The following COX16 variants were observed in gnomAD, a reference collection of about 807,000 sequenced individuals.
COX16 encodes the protein cytochrome c oxidase assembly factor COX16.
In COX16, 12 loss-of-function variants were observed where a neutral mutation model predicts 15.4. The observed-to-expected ratio is 0.78, with a 90% CI of 0.50 to 1.26. The LOEUF (loss-of-function observed/expected upper bound fraction) is 1.26, where lower values mean the gene tolerates loss of function less well. Ranked by LOEUF, COX16 falls within the 50% of genes most tolerant of loss-of-function variation. The probability of loss-of-function intolerance (pLI) is 0.00; values close to 1 mark genes in which losing one functional copy is unlikely to be tolerated. For missense variants in COX16, 124 were observed against 127.6 expected, an observed-to-expected ratio of 0.97 and a Z score of 0.14; for synonymous variants, 46 against 41.1, an observed-to-expected ratio of 1.12 and a Z score of -0.46.
At chr14:70,337,632 CTA>C (rs1233339994) in intron 2 of COX16, among the ~76,000 whole-genome samples, 1 of 151,882 alleles carries the variant, frequency 6.6e-6, no homozygotes, top group Non-Finnish European at 1.5e-5. Flanking sequence ...TAAAGCAGAT[CTA>C]TAGTGATCCT....
chr14:70,330,518 GAAAAT>G (rs1279680131), intron 2 of COX16, among the ~76,000 whole-genome samples: 2 of 152,010 alleles, frequency 1.3e-5, no homozygotes, highest in African/African-American at 4.8e-5. Context: ...AATTTCACAA[GAAAAT>G]AAAAATAACA....
chr14:70,336,161 C>T (rs953387918), intron 2 of COX16, among the ~76,000 whole-genome samples: 1 of 152,154 alleles, frequency 6.6e-6, no homozygotes, highest in Non-Finnish European at 1.5e-5. Flanking sequence ...GAGGCTGAGG[C>T]AGGAGAATCG....
intron 2 of COX16, among the ~76,000 whole-genome samples, chr14:70,339,226 T>G (rs1380033250): frequency 6.6e-6 from 1 of 152,202 alleles, no homozygotes; most frequent in Non-Finnish European, 1.5e-5. Flanking sequence ...TTATTGTGGA[T>G]CCTTGGTGGT....
chr14:70,350,094 A>T (rs1372946557), intron 1 of COX16, among the ~76,000 whole-genome samples: 1 of 152,218 alleles, frequency 6.6e-6, no homozygotes, highest in East Asian at 1.9e-4. Context: ...ATAGACAGGA[A>T]TGTAAGATTC....
chr14:70,329,277 T>TTTG (rs1487134430), intron 2 of COX16, 41 bp from the exon 3 acceptor site: 1 of 1,557,396 alleles, frequency 6.4e-7, no homozygotes, highest in African/African-American at 1.4e-5. Flanking sequence ...TCTAAGTCTG[T>TTTG]TTGTTAGACT....
chr14:70,337,529 A>G (rs905515398), intron 2 of COX16, among the ~76,000 whole-genome samples: 3 of 152,090 alleles, frequency 2.0e-5, no homozygotes, highest in Non-Finnish European at 2.9e-5. Flanking sequence ...TGGAACCTCT[A>G]TAATTGTTTA....
At chr14:70,356,077 T>C (rs554765649) in intron 1 of COX16, among the ~76,000 whole-genome samples, 1 of 151,946 alleles carries the variant, frequency 6.6e-6, no homozygotes. Context: ...TGCAGAACCA[T>C]GAGCCAAAAG....
At chr14:70,332,443 T>C (rs1428509586) in intron 2 of COX16, among the ~76,000 whole-genome samples, 2 of 152,088 alleles carry the variant, frequency 1.3e-5, no homozygotes, top group Non-Finnish European at 2.9e-5. Context: ...AGTGCCCCAC[T>C]TGAGCCAACA....
chr14:70,351,092 G>T lies in COX16; in HGVS notation c.70-8363C>A, dbSNP rs886904095. Among the ~76,000 whole-genome samples, 16 of 152,288 alleles carry T rather than the reference G, an allele frequency of 1.1e-4. 2 individuals carry two copies. In the South Asian group the frequency reaches 2.5e-3, roughly 24 times the overall value. On this transcript the variant is annotated intron_variant, in intron 1 of 3. Transcript: ENST00000389912. ...CTGAAGCCATTCTTCAAGGGGGGAT[G>T]AAAGGGGTAGGGAGCCCTCATTAGG... is the stretch of plus-strand genomic sequence containing the variant.
intron 2 of COX16, among the ~76,000 whole-genome samples, chr14:70,333,014 T>C (rs1167977368): frequency 6.6e-6 from 1 of 152,174 alleles, no homozygotes; most frequent in Admixed American, 6.5e-5. Context: ...TTGGGCACTC[T>C]CTAGGGCTGA....
At position 70,329,361 on chromosome 14, in the gene COX16, C is replaced by T. The variant is rs1034603689; in HGVS notation, c.142-125G>A. On this transcript the variant is annotated intron_variant, in intron 2 of 3. Transcript: ENST00000389912. ...AAATACAAACACATGGCAAAATCTC[C>T]ACCATCTACTCTGATCACATAATGA... 1.6e-5 allele frequency: 11 copies of T among 693,628 alleles called. No homozygotes were observed. The African/African-American group carries it at 1.7e-4, about 11-fold the overall frequency. 43.0% of individuals were successfully genotyped at this position (693,628 alleles called of 1,614,324 possible).
intron 1 of COX16, chr14:70,359,314 G>C (rs986305230): frequency 6.1e-6 from 4 of 651,162 alleles, no homozygotes; most frequent in Non-Finnish European, 1.1e-5. Context: ...AAATCCAACC[G>C]GGAGTGGGGG....
chr14:70,339,868 T>C (rs1268814900), intron 2 of COX16, among the ~76,000 whole-genome samples: 2 of 151,896 alleles, frequency 1.3e-5, no homozygotes, highest in Non-Finnish European at 2.9e-5. Context: ...TCCTCTCATC[T>C]TCCTCCTACA....
chr14:70,331,965 A>T (rs1366783713), intron 2 of COX16, among the ~76,000 whole-genome samples: 2 of 152,158 alleles, frequency 1.3e-5, no homozygotes, highest in Non-Finnish European at 2.9e-5. Flanking sequence ...GGAGCCAAAG[A>T]CCTAGGAAGG....
At chr14:70,330,693 A>C (rs1412104299) in intron 2 of COX16, among the ~76,000 whole-genome samples, 2 of 152,246 alleles carry the variant, frequency 1.3e-5, no homozygotes, top group African/African-American at 4.8e-5. Flanking sequence ...CTAATGCGAC[A>C]GAACAGAGAA....
At chr14:70,353,594 A>G (rs1189814394) in intron 1 of COX16, among the ~76,000 whole-genome samples, 3 of 151,174 alleles carry the variant, frequency 2.0e-5, no homozygotes, top group African/African-American at 7.3e-5. Context: ...GCTCACTGCA[A>G]CCTCCACCTC....
At chr14:70,341,220 A>C (rs2140716243) in intron 2 of COX16, among the ~76,000 whole-genome samples, 1 of 152,340 alleles carries the variant, frequency 6.6e-6, no homozygotes, top group Admixed American at 6.5e-5. Context: ...TGCTAACTGA[A>C]AATTAAGTAA....
intron 1 of COX16, among the ~76,000 whole-genome samples, chr14:70,345,739 G>GC (rs1291723750): frequency 2.6e-5 from 4 of 152,034 alleles, no homozygotes; most frequent in Non-Finnish European, 5.9e-5. Flanking sequence ...CCCAACCTCT[G>GC]CAATTCTTGC....
intron 1 of COX16, among the ~76,000 whole-genome samples, chr14:70,343,623 A>G (rs1013111571): frequency 6.6e-6 from 1 of 152,250 alleles, no homozygotes; most frequent in Non-Finnish European, 1.5e-5. Flanking sequence ...CAATATGGCT[A>G]TACAGGTCAC....
Sources: gnomAD v4.1 joint callset for allele counts (sites outside exome capture counted in the v4.1 genomes callset) on GRCh38, gnomAD v4.1.1 for gene constraint, MANE v1.5 for transcripts, NCBI Gene and HGNC (gene_info 2026-07-23, HGNC 2026-07-21) for gene names.